The following TNRC18 variants were observed in gnomAD, a reference collection of about 807,000 sequenced individuals.
TNRC18 encodes the protein trinucleotide repeat-containing gene 18 protein.
TNRC18 carries 69 observed loss-of-function variants against 226.7 expected under a neutral mutation model. The observed-to-expected ratio is 0.30, with a 90% CI of 0.25 to 0.37. The LOEUF (loss-of-function observed/expected upper bound fraction) is 0.37. Among genes scored for constraint, TNRC18 ranks in the 10% least tolerant of loss-of-function variants. The pLI is 1.00. For synonymous variants in TNRC18, 2,449 were observed against 1,927.6 expected, an observed-to-expected ratio of 1.27 and a Z score of -7.09; for missense variants, 4,754 against 4,256.6, an observed-to-expected ratio of 1.12 and a Z score of -3.25.
In TNRC18 at chr7:5,374,330, G is replaced by T; in HGVS notation, c.2954C>A (p.Thr985Asn). Residue 985 changes from threonine to asparagine, a missense_variant, in exon 10 of 30, where the codon ACC becomes AAC. By Grantham distance (65) the Thr-to-Asn change is moderately conservative. Coordinates refer to ENST00000430969, the MANE Select transcript of TNRC18 (RefSeq NM_001080495.3). The part of the protein sequence containing the change: ...PPGLAAGPAG[T>N]YGKAVSPPPS... The stretch of plus-strand genomic sequence containing the variant: ...TGGCGGGCTCACGGCCTTGCCGTAG[G>T]TGCCCGCGGGGCCGGCGGCCAGGCC... 2.1e-6 allele frequency: 3 copies of T among 1,423,110 alleles called. No individual in the cohort carries two copies. Among genetic ancestry groups the T allele is most frequent in the African/African-American group, 1.5e-5 (1 of 65,766 alleles). 88.2% of individuals were successfully genotyped at this position (1,423,110 alleles called of 1,614,324 possible). A position where few individuals can be genotyped will look rare whatever the true frequency, so the allele number is the denominator to read the frequency against.
In TNRC18 at chr7:5,308,917, C is replaced by T. The variant is rs777909881; in HGVS notation, c.8658G>A (p.Pro2886=). ...HWDQKSSRSL[P]AALRVSSQRK... ...TCTGGCTGGAGACCCGCAGGGCCGC[C>T]GGGAGGCTGCGGCTGGACTTCTGGT... Residue 2886 remains proline (P), a synonymous_variant, in exon 29 of 30, where the codon CCG becomes CCA. Coordinates refer to ENST00000430969, the MANE Select transcript of TNRC18 (RefSeq NM_001080495.3). 24 of 1,606,196 alleles carry T rather than the reference C, an allele frequency of 1.5e-5. 1 individual carries two copies. The highest frequency in any genetic ancestry group is 4.0e-5 in the African/African-American group (3 of 74,486).
rs1455842159 is a variant in TNRC18, at chr7:5,423,460, G to C, written c.-263C>G. 6.6e-6 allele frequency: 1 copy of C among 152,108 alleles called. No homozygotes were observed. The allele number at this position is 152,108 out of a possible 1,614,324, so 9.4% of individuals were successfully genotyped here. On this transcript the variant is annotated 5_prime_UTR_variant, in exon 1 of 30. Coordinates refer to ENST00000430969, the MANE Select transcript of TNRC18 (RefSeq NM_001080495.3). ...GCGTACCTGGCGCGGCTGGGTTCAC[G>C]GCTCCAGGCTCCGGCGACAACGACT...
intron 5 of TNRC18, among the ~76,000 whole-genome samples, chr7:5,386,160 C>T (rs1422949483): frequency 1.3e-5 from 2 of 151,064 alleles, no homozygotes; most frequent in African/African-American, 2.4e-5. Flanking sequence ...TGATGGCACG[C>T]ACCTGTAGTC....
chr7:5,418,558 TCCACGTCCGCAGAGC>T (rs1230417647), intron 2 of TNRC18, among the ~76,000 whole-genome samples: 1 of 152,198 alleles, frequency 6.6e-6, no homozygotes, highest in Non-Finnish European at 1.5e-5. Flanking sequence ...ACAGCGCTCA[TCCACGTCCGCAGAGC>T]CCAACCTTAA....
Position 5,307,394 on chromosome 7 carries a change from G to A in TNRC18, c.*712C>T. The A allele has an allele frequency of 3.4e-6, 1 of 294,372 alleles. No homozygotes were observed. The highest frequency in any genetic ancestry group is 2.6e-5 in the South Asian group (1 of 39,160). 18.2% of individuals were successfully genotyped at this position (294,372 alleles called of 1,614,324 possible). A position where few individuals can be genotyped will look rare whatever the true frequency, so the allele number is the denominator to read the frequency against. Reference sequence around the variant, plus strand: ...TTAAGAAGTGCCACCTCCCTCCTGGGTGGGGAGGGGCCAGGCGTGGCCGGG... The same window carrying A: ...TTAAGAAGTGCCACCTCCCTCCTGGATGGGGAGGGGCCAGGCGTGGCCGGG... On this transcript the variant is annotated 3_prime_UTR_variant, in exon 30 of 30. Transcript: ENST00000430969.
At chr7:5,375,360 A>G (rs1347459930) in intron 9 of TNRC18, among the ~76,000 whole-genome samples, 1 of 151,950 alleles carries the variant, frequency 6.6e-6, no homozygotes, top group Non-Finnish European at 1.5e-5. Context: ...AAAGCGCTCC[A>G]AGGACAGGCC....
At chr7:5,311,585 G>A (rs535738403) in intron 27 of TNRC18, among the ~76,000 whole-genome samples, 8 of 152,236 alleles carry the variant, frequency 5.3e-5, no homozygotes, top group South Asian at 4.1e-4. Flanking sequence ...AGGCTGAGGC[G>A]GGAGGATCAC....
At chr7:5,376,721 C>T (rs1779001012) in intron 8 of TNRC18, 126 bp downstream of exon 8, 15 of 1,170,902 alleles carry the variant, frequency 1.3e-5, no homozygotes, top group South Asian at 4.5e-5. Flanking sequence ...CTCTGAACCC[C>T]GGTCCGCCTC....
Position 5,309,610 on chromosome 7 carries a change from T to G in TNRC18, c.8389-242A>C, listed in dbSNP as rs907943417. Among the ~76,000 whole-genome samples the G allele has an allele frequency of 3.3e-5, 5 of 152,240 alleles. No individual in the cohort carries two copies. Among genetic ancestry groups the G allele is most frequent in the Non-Finnish European group, 7.3e-5 (5 of 68,038 alleles). ...TCTAAGCATTCTGCCGCTACAAGAC[T>G]TCTTATTTTTGAGACAGGGTCTCCC... On this transcript the variant is annotated intron_variant, in intron 27 of 29. Transcript: ENST00000430969. This position sits in a 1 kb window ranked among gnomAD's most constrained non-coding sequence, Gnocchi z 5.7.
intron 2 of TNRC18, among the ~76,000 whole-genome samples, chr7:5,412,401 C>A (rs890652566): frequency 6.6e-5 from 10 of 152,026 alleles, no homozygotes; most frequent in Admixed American, 2.0e-4. Flanking sequence ...CATGGTTAAA[C>A]CCCATCTCTA....
At position 5,313,114 on chromosome 7, in the gene TNRC18, C is replaced by G. The variant is rs1427927526; in HGVS notation, c.7777G>C (p.Gly2593Arg). 2.1e-6 allele frequency: 3 copies of G among 1,457,970 alleles called. No individual in the cohort carries two copies. The East Asian group carries it at 7.4e-5, about 36-fold the overall frequency. The allele number at this position is 1,457,970 out of a possible 1,614,324, so 90.3% of individuals were successfully genotyped here. The stretch of plus-strand genomic sequence containing the variant: ...TTACGGCCCCCGGTGCCGCAGCCCC[C>G]GTCCCCGTTCTTGTCGCCTTCCTCC... ...GEEEGDKNGD[G>R]GCGTGGRNCS... The change falls in exon 27 of 30, where the codon GGG (glycine) becomes CGG (arginine). Residue 2593 changes from glycine (G) to arginine (R), a missense_variant. Coordinates refer to ENST00000430969, the MANE Select transcript of TNRC18 (RefSeq NM_001080495.3).
In TNRC18 at chr7:5,359,672, G is replaced by A. The variant is rs1357677273; in HGVS notation, c.4662-103C>T. On this transcript the variant is annotated intron_variant, in intron 14 of 29. Transcript: ENST00000430969. ...AAGGGTTGGGCTCTGGACCCTGAGC[G>A]TGGACAGTGATGGCAGAGTGACGGG... is the stretch of plus-strand genomic sequence containing the variant. 1.4e-5 allele frequency: 18 copies of A among 1,330,632 alleles called. No homozygotes were observed. The East Asian group carries it at 1.8e-4, about 14-fold the overall frequency. The allele number at this position is 1,330,632 out of a possible 1,614,324, so 82.4% of individuals were successfully genotyped here. A position where few individuals can be genotyped will look rare whatever the true frequency, so the allele number is the denominator to read the frequency against.
At chr7:5,360,038 C>T (rs556803638) in intron 14 of TNRC18, among the ~76,000 whole-genome samples, 39 of 152,038 alleles carry the variant, frequency 2.6e-4, no homozygotes, top group Admixed American at 1.0e-3. Context: ...GAATCCCGTG[C>T]GCAGTGGGGA....
intron 3 of TNRC18, 110 bp from the exon 4 acceptor site, chr7:5,390,738 G>A: frequency 7.6e-7 from 1 of 1,317,278 alleles, no homozygotes; most frequent in Non-Finnish European, 1.0e-6. Flanking sequence ...CTGGTACAGG[G>A]CGCCTTGAGG....
At chr7:5,397,567 C>T (rs7786238) in intron 2 of TNRC18, among the ~76,000 whole-genome samples, 91,867 of 151,942 alleles carry the variant, frequency 0.6, 28,589 homozygotes, top group East Asian at 0.83. Flanking sequence ...ACACAATCCC[C>T]ACTCAGCTAT....
chr7:5,364,148 A>T (rs1211002068), intron 11 of TNRC18, among the ~76,000 whole-genome samples: 1 of 152,108 alleles, frequency 6.6e-6, no homozygotes, highest in Non-Finnish European at 1.5e-5. Flanking sequence ...AAAATTCAAA[A>T]ATTAGCTGGG....
At chr7:5,351,157 C>T (rs75439964) in intron 17 of TNRC18, among the ~76,000 whole-genome samples, 5,660 of 151,808 alleles carry the variant, frequency 0.037, 157 homozygotes, top group Middle Eastern at 0.068. Flanking sequence ...AAGCGGCAGG[C>T]GGCACGGTCC....
chr7:5,345,124 GCT>G (rs1028155143), intron 18 of TNRC18, among the ~76,000 whole-genome samples: 21 of 152,158 alleles, frequency 1.4e-4, no homozygotes, highest in African/African-American at 1.4e-4. Context: ...AATGAGATGC[GCT>G]CTCTCTTCTT....
intron 2 of TNRC18, among the ~76,000 whole-genome samples, chr7:5,403,362 G>C (rs921748253): frequency 6.6e-6 from 1 of 152,144 alleles, no homozygotes; most frequent in African/African-American, 2.4e-5. Flanking sequence ...GTTTCTCCAT[G>C]TTGGTCAGGC....
Sources: allele counts gnomAD v4.1 joint callset (sites outside exome capture counted in the v4.1 genomes callset), GRCh38; gene constraint gnomAD v4.1.1; non-coding constraint Gnocchi (gnomAD v3.1); transcripts MANE v1.5; gene names NCBI Gene and HGNC (gene_info 2026-07-23, HGNC 2026-07-21).